PTH2R: variants seen among roughly 807,000 people sequenced by gnomAD.
PTH2R encodes parathyroid hormone 2 receptor, also known as PTH2 receptor.
Under a neutral mutation model 60.3 loss-of-function variants are expected in PTH2R, and 59 were observed. The ratio of observed to expected loss-of-function variants is 0.98; its 90% CI spans 0.79 to 1.22. PTH2R has a LOEUF of 1.22. Ranked by LOEUF, PTH2R falls within the 50% of genes most tolerant of loss-of-function variation. PTH2R has a pLI of 0.00. For synonymous variants in PTH2R, 256 were observed against 243.8 expected (o/e 1.05, Z -0.47); for missense variants, 749 against 682.6 (o/e 1.10, Z -1.08).
intron 10 of PTH2R, among the ~76,000 whole-genome samples, chr2:208,483,086 T>G (rs1458190420): frequency 6.6e-6 from 1 of 152,254 alleles, no homozygotes; most frequent in Non-Finnish European, 1.5e-5. Flanking sequence ...GGGGGGTCCC[T>G]GCAGGTAGTA....
At chr2:208,490,537 A>G (rs1482573003) in intron 11 of PTH2R, 102 bp from the exon 12 acceptor site, 15 of 1,002,786 alleles carry the variant, frequency 1.5e-5, no homozygotes, top group Middle Eastern at 2.1e-4. Flanking sequence ...CTCTGAAGGA[A>G]TCATAAAAAA....
intron 9 of PTH2R, among the ~76,000 whole-genome samples, chr2:208,461,070 C>A (rs1702624168): frequency 1.3e-5 from 2 of 151,866 alleles, no homozygotes; most frequent in African/African-American, 4.8e-5. Flanking sequence ...GTTTAGAAGC[C>A]CATTGAAATA....
chr2:208,411,510 C>T (rs752161668), intron 1 of PTH2R, among the ~76,000 whole-genome samples: 1 of 152,154 alleles, frequency 6.6e-6, no homozygotes, highest in African/African-American at 2.4e-5. Flanking sequence ...GGAAGGGTCC[C>T]AGGTGTGGCT....
At chr2:208,488,025 CAG>C (rs1225494632) in intron 10 of PTH2R, among the ~76,000 whole-genome samples, 4 of 152,112 alleles carry the variant, frequency 2.6e-5, no homozygotes, top group African/African-American at 7.2e-5. Flanking sequence ...AAGGATAAAA[CAG>C]GGGCAAAAAT....
intron 1 of PTH2R, among the ~76,000 whole-genome samples, chr2:208,369,322 A>G (rs1199726215): frequency 6.6e-6 from 1 of 151,668 alleles, no homozygotes; most frequent in African/African-American, 2.4e-5. Context: ...GGTTGTTCAC[A>G]GGTTCCACCA....
chr2:208,418,823 T>C (rs1701694155), intron 1 of PTH2R, among the ~76,000 whole-genome samples: 1 of 152,198 alleles, frequency 6.6e-6, no homozygotes, highest in Non-Finnish European at 1.5e-5. Context: ...GGAAATCATG[T>C]TAGGTCATAG....
chr2:208,461,124 G>T (rs190119814), intron 9 of PTH2R, among the ~76,000 whole-genome samples: 12 of 152,254 alleles, frequency 7.9e-5, no homozygotes, highest in Admixed American at 5.9e-4. Flanking sequence ...GTTTAGAGAA[G>T]CTATTTTGTA....
chr2:208,377,717 C>A (rs1188223799), intron 1 of PTH2R, among the ~76,000 whole-genome samples: 1 of 149,998 alleles, frequency 6.7e-6, no homozygotes, highest in Non-Finnish European at 1.5e-5. Context: ...GGCAGAGACG[C>A]TCCTCACCTC....
chr2:208,386,513 CGT>C (rs149148891), intron 1 of PTH2R, among the ~76,000 whole-genome samples: 157 of 151,142 alleles, frequency 1.0e-3, no homozygotes, highest in Middle Eastern at 6.8e-3. Flanking sequence ...TGTGTGTGTG[CGT>C]GTGTGTGTGT....
intron 1 of PTH2R, among the ~76,000 whole-genome samples, chr2:208,411,079 C>G (rs1038740362): frequency 1.7e-4 from 26 of 152,286 alleles, no homozygotes; most frequent in African/African-American, 5.8e-4. Flanking sequence ...AACACCGTCT[C>G]TACTAAAAAT....
chr2:208,385,795 C>A (rs1700991203), intron 1 of PTH2R, among the ~76,000 whole-genome samples: 1 of 152,316 alleles, frequency 6.6e-6, no homozygotes, highest in Non-Finnish European at 1.5e-5. Flanking sequence ...CAGAATAAAA[C>A]ACAGAAGATA....
rs978717833 is a variant in PTH2R at position 208,375,064 on chromosome 2, C to T, written c.-259+14827C>T. The stretch of plus-strand genomic sequence containing the variant: ...AGAGAATATTTAATTAGCAACATGA[C>T]AAAAATTAGTTGATTTATTTGAAGG... On this transcript the variant is annotated intron_variant, in intron 1 of 12. Transcript: ENST00000617735. Among the ~76,000 whole-genome samples, 9 of 152,074 alleles carry T rather than the reference C, an allele frequency of 5.9e-5. No individual in the cohort carries two copies. The South Asian group carries it at 1.7e-3, about 28-fold the overall frequency.
In PTH2R at chr2:208,369,368, C is replaced by CT. The variant is rs1256110457; in HGVS notation, c.-259+9132dup. ...GTCTGTAAACAACACTGGTCTCTCT[C>CT]TCTTTTTTTTTTTTTTTAGAAGGAA... On this transcript the variant is annotated intron_variant, in intron 1 of 12. Transcript: ENST00000617735. Among the ~76,000 whole-genome samples, 10 of 143,558 alleles carry CT rather than the reference C, an allele frequency of 7.0e-5. No individual in the cohort carries two copies. The East Asian group carries it at 9.9e-4, about 14-fold the overall frequency. 94.2% of individuals were successfully genotyped at this position (143,558 alleles called of 152,430 possible).
chr2:208,406,501 T>A (rs527507605), upstream of PTH2R, among the ~76,000 whole-genome samples: 1 of 152,252 alleles, frequency 6.6e-6, no homozygotes, highest in African/African-American at 2.4e-5. Context: ...GGGCCGATGG[T>A]CAGCGCACGC....
chr2:208,400,946 C>T (rs1200254494), intron 1 of PTH2R, among the ~76,000 whole-genome samples: 1 of 152,104 alleles, frequency 6.6e-6, no homozygotes, highest in African/African-American at 2.4e-5. Context: ...TAGTAGACCT[C>T]AATATACATT....
chr2:208,377,533 GCCGGGCGGGGGCTGACCCCCCACCTGCCT>G (rs1248673592), intron 1 of PTH2R, among the ~76,000 whole-genome samples: 1 of 147,932 alleles, frequency 6.8e-6, no homozygotes, highest in Non-Finnish European at 1.5e-5. Context: ...GGGGCGGCTG[GCCGGGCGGGGGCTGACCCCCCACCTGCCT>G]CTGGGACGGG....
At chr2:208,428,102 A>G (rs926180010) in intron 1 of PTH2R, 99 bp from the exon 2 acceptor site, 1 of 855,220 alleles carries the variant, frequency 1.2e-6, no homozygotes. Context: ...CTTGATATCA[A>G]ACTCATTTTC....
chr2:208,479,591 A>T (rs1463493871), intron 9 of PTH2R, among the ~76,000 whole-genome samples: 1 of 152,236 alleles, frequency 6.6e-6, no homozygotes, highest in East Asian at 1.9e-4. Context: ...TGACCTGAGC[A>T]GTACTCAAGT....
At chr2:208,492,122 C>A (rs1439315618) in intron 12 of PTH2R, among the ~76,000 whole-genome samples, 1 of 152,192 alleles carries the variant, frequency 6.6e-6, no homozygotes, top group Non-Finnish European at 1.5e-5. Flanking sequence ...AGAAATGAAT[C>A]TTCAGTAGTA....
Sources: gnomAD v4.1 joint callset for allele counts (sites outside exome capture counted in the v4.1 genomes callset) on GRCh38, gnomAD v4.1.1 for gene constraint, MANE v1.5 for transcripts, NCBI Gene and HGNC (gene_info 2026-07-23, HGNC 2026-07-21) for gene names.